PCGF3: variants seen among roughly 807,000 people sequenced by gnomAD.
PCGF3 encodes the protein polycomb group ring finger 3, also known as polycomb group RING finger protein 3.
Under a neutral mutation model 33.1 loss-of-function variants are expected in PCGF3, and 7 were observed. The observed-to-expected ratio is 0.21, with a 90% CI of 0.12 to 0.40. The LOEUF (loss-of-function observed/expected upper bound fraction) is 0.40, where lower values mean the gene tolerates loss of function less well. Ranked by LOEUF, PCGF3 falls within the 10% of genes least tolerant of loss-of-function variation. The pLI is 1.00. For synonymous variants in PCGF3, 153 were observed against 121.3 expected, an observed-to-expected ratio of 1.26 and a Z score of -1.72; for missense variants, 211 against 313.3, an observed-to-expected ratio of 0.67 and a Z score of 2.46.
At chr4:722,644 G>C (rs1190492924) in intron 1 of PCGF3, among the ~76,000 whole-genome samples, 8 of 136,752 alleles carry the variant, frequency 5.9e-5, no homozygotes, top group Non-Finnish European at 1.3e-4. Context: ...TCCGCGCCGG[G>C]TCCACACTCG....
chr4:762,032 A>G (rs1745089367), intron 9 of PCGF3: 1 of 985,200 alleles, frequency 1.0e-6, no homozygotes. Context: ...GAGTTGCAGG[A>G]GAGGCGGACT....
intron 1 of PCGF3, among the ~76,000 whole-genome samples, chr4:713,047 G>T (rs1414366441): frequency 6.7e-6 from 1 of 148,618 alleles, no homozygotes; most frequent in African/African-American, 2.5e-5. Flanking sequence ...TGGGCCCTGT[G>T]GGGGGCTGTG....
At chr4:732,307 TCCCTC>T (rs1410739918) in intron 3 of PCGF3, 1 of 150,236 alleles carries the variant, frequency 6.7e-6, no homozygotes, top group Non-Finnish European at 1.5e-5. Flanking sequence ...TCACCTCCCT[TCCCTC>T]CCTACCCTCC....
chr4:760,763 C>A (rs968311310), intron 8 of PCGF3, among the ~76,000 whole-genome samples: 1 of 152,252 alleles, frequency 6.6e-6, no homozygotes, highest in Non-Finnish European at 1.5e-5. Flanking sequence ...CCCGTGGCTG[C>A]TGGGACTCCA....
At chr4:738,674 C>G (rs1487692861) in intron 6 of PCGF3, among the ~76,000 whole-genome samples, 3 of 139,596 alleles carry the variant, frequency 2.1e-5, no homozygotes, top group Admixed American at 1.5e-4. Context: ...ATAGTGAAAC[C>G]CTGTCTCTAC....
At chr4:765,294 G>A (rs1466665300) in intron 10 of PCGF3, among the ~76,000 whole-genome samples, 10 of 152,184 alleles carry the variant, frequency 6.6e-5, no homozygotes, top group East Asian at 1.9e-4. Flanking sequence ...TTAGCCAGGC[G>A]TAGTGGTGGG....
chr4:733,705 T>G, exon 4 of PCGF3: 1 of 1,609,724 alleles, frequency 6.2e-7, no homozygotes, highest in Non-Finnish European at 8.5e-7. Context: ...GATCAAGCTG[T>G]GGGACATCAA....
chr4:727,246 T>TC (rs1476227838), intron 1 of PCGF3, among the ~76,000 whole-genome samples: 1 of 144,612 alleles, frequency 6.9e-6, no homozygotes, highest in African/African-American at 2.5e-5. Context: ...TTTTTTTTTT[T>TC]TTTTTTTTTT....
intron 5 of PCGF3, among the ~76,000 whole-genome samples, chr4:735,409 G>T (rs1241395608): frequency 6.6e-6 from 1 of 152,198 alleles, no homozygotes; most frequent in Non-Finnish European, 1.5e-5. Context: ...AGCTGGGTAT[G>T]GTGGTGCATG....
intron 1 of PCGF3, among the ~76,000 whole-genome samples, chr4:729,914 C>T (rs543896630): frequency 2.0e-4 from 31 of 152,272 alleles, no homozygotes; most frequent in African/African-American, 5.1e-4. Context: ...CACACAGGAA[C>T]GTGTGGGAGG....
chr4:720,577 C>CGCGTGG lies in PCGF3; in HGVS notation c.-189-10053_-189-10052insGCGTGG, dbSNP rs879441528. Among the ~76,000 whole-genome samples, 2,003 of 147,196 alleles carry CGCGTGG rather than the reference C, an allele frequency of 0.014. 110 individuals carry two copies. Among genetic ancestry groups the CGCGTGG allele is most frequent in the South Asian group, 0.034 (154 of 4,554 alleles). On this transcript the variant is annotated intron_variant, in intron 1 of 10. Coordinates refer to ENST00000362003, the Ensembl canonical transcript of PCGF3. The surrounding 1 kb of genome is among the most constrained non-coding windows in gnomAD (Gnocchi z 5.6). ...CGCAGCCCCGACGTGAACAGGACCC[C>CGCGTGG]ACGTGGACGGGCAGTGACGTGCGTG...
At chr4:727,962 C>G (rs1175663416) in intron 1 of PCGF3, among the ~76,000 whole-genome samples, 1 of 152,180 alleles carries the variant, frequency 6.6e-6, no homozygotes, top group African/African-American at 2.4e-5. Context: ...CTGATGCTGT[C>G]TTGGAAGGGA....
chr4:744,498 T>C (rs1409614152), intron 7 of PCGF3, 102 bp from the exon 8 acceptor site: 10 of 880,540 alleles, frequency 1.1e-5, no homozygotes, highest in Non-Finnish European at 1.8e-5. Flanking sequence ...CAGAGTCTCT[T>C]AATGGAGTGA....
chr4:723,070 A>C (rs1416727585), intron 1 of PCGF3, among the ~76,000 whole-genome samples: 1 of 105,640 alleles, frequency 9.5e-6, no homozygotes, highest in Non-Finnish European at 1.8e-5. Flanking sequence ...CCGGGTCCAC[A>C]CTCGCGTCAT....
intron 6 of PCGF3, among the ~76,000 whole-genome samples, chr4:742,571 C>T (rs780794229): frequency 3.9e-4 from 59 of 152,230 alleles, no homozygotes; most frequent in Non-Finnish European, 6.2e-4. Flanking sequence ...CACTGTGTCC[C>T]CTGGGTGTGA....
At chr4:713,800 C>G (rs1742686020) in intron 1 of PCGF3, among the ~76,000 whole-genome samples, 1 of 152,156 alleles carries the variant, frequency 6.6e-6, no homozygotes, top group African/African-American at 2.4e-5. Flanking sequence ...AAAAGCTGTG[C>G]TTATTTCGCA....
At chr4:715,562 C>T (rs367585295) in intron 1 of PCGF3, among the ~76,000 whole-genome samples, 10,326 of 77,580 alleles carry the variant, frequency 0.13, 1 homozygote, top group Middle Eastern at 0.21. Context: ...AACTGGGTGT[C>T]GGTGCTGGGA....
chr4:718,870 CTTTCGAGTCATGGACCCT>C (rs2109541520), intron 1 of PCGF3, among the ~76,000 whole-genome samples: 1 of 152,328 alleles, frequency 6.6e-6, no homozygotes, highest in South Asian at 2.1e-4. Context: ...TGCTTACTGT[CTTTCGAGTCATGGACCCT>C]TTTGAGAATT....
At chr4:718,252 G>A (rs1742938706) in intron 1 of PCGF3, among the ~76,000 whole-genome samples, 1 of 152,102 alleles carries the variant, frequency 6.6e-6, no homozygotes, top group Non-Finnish European at 1.5e-5. Context: ...GGAGTCGGGG[G>A]GTCTGTGGGG....
Sources: gnomAD v4.1 joint callset for allele counts (sites outside exome capture counted in the v4.1 genomes callset) on GRCh38, gnomAD v4.1.1 for gene constraint, Gnocchi (gnomAD v3.1) non-coding constraint, MANE v1.5 for transcripts, NCBI Gene and HGNC (gene_info 2026-07-23, HGNC 2026-07-21) for gene names.